Variants in CACNA2D3 observed in about 807,000 individuals in gnomAD.
The protein encoded by CACNA2D3 is calcium voltage-gated channel auxiliary subunit alpha2delta 3.
Under a neutral mutation model 160.6 loss-of-function variants are expected in CACNA2D3, and 60 were observed. That is an observed-to-expected ratio of 0.37 (90% CI 0.30 to 0.46). CACNA2D3 has a LOEUF of 0.46. Among genes scored for constraint, CACNA2D3 ranks in the 20% least tolerant of loss-of-function variants. CACNA2D3 has a pLI of 1.00. For missense variants in CACNA2D3, 1,205 were observed against 1,365.0 expected, an observed-to-expected ratio of 0.88 and a Z score of 1.85; for synonymous variants, 558 against 492.9, an observed-to-expected ratio of 1.13 and a Z score of -1.75.
intron 4 of CACNA2D3, among the ~76,000 whole-genome samples, chr3:54,425,596 T>C (rs1241270208): frequency 1.3e-5 from 2 of 152,214 alleles, no homozygotes; most frequent in Admixed American, 6.5e-5. Flanking sequence ...CCTGAACACC[T>C]GAGGATACCA....
intron 11 of CACNA2D3, among the ~76,000 whole-genome samples, chr3:54,721,612 T>G (rs988027566): frequency 2.0e-5 from 3 of 151,760 alleles, no homozygotes; most frequent in African/African-American, 7.3e-5. Flanking sequence ...AATACAAAAA[T>G]TAGCCAGGCG....
At chr3:54,441,638 T>G (rs1057322584) in intron 4 of CACNA2D3, among the ~76,000 whole-genome samples, 14 of 152,250 alleles carry the variant, frequency 9.2e-5, no homozygotes, top group African/African-American at 3.1e-4. Context: ...TTTAAAAATG[T>G]CTTTAATCCA....
chr3:55,051,852 G>T (rs190832436), intron 35 of CACNA2D3, among the ~76,000 whole-genome samples: 2 of 152,274 alleles, frequency 1.3e-5, no homozygotes, highest in East Asian at 3.9e-4. Flanking sequence ...TATTCGGGTG[G>T]GAGTGACCCG....
chr3:54,331,336 C>T (rs1704247941), intron 3 of CACNA2D3, among the ~76,000 whole-genome samples: 1 of 152,108 alleles, frequency 6.6e-6, no homozygotes, highest in South Asian at 2.1e-4. Flanking sequence ...CCATGCAGCT[C>T]CGTAGTCGTT....
At chr3:54,400,431 A>G (rs1699434621) in intron 4 of CACNA2D3, among the ~76,000 whole-genome samples, 1 of 152,074 alleles carries the variant, frequency 6.6e-6, no homozygotes, top group Non-Finnish European at 1.5e-5. Flanking sequence ...CCTGGAACTC[A>G]GCACTGTTGC....
intron 2 of CACNA2D3, among the ~76,000 whole-genome samples, chr3:54,168,543 C>T (rs765457921): frequency 2.0e-5 from 3 of 152,076 alleles, no homozygotes; most frequent in Non-Finnish European, 4.4e-5. Context: ...GAGGAGCCAC[C>T]TTAGGAGGCC....
chr3:54,773,558 G>A (rs374124999), intron 13 of CACNA2D3, among the ~76,000 whole-genome samples: 9 of 152,258 alleles, frequency 5.9e-5, no homozygotes, highest in Admixed American at 2.0e-4. Flanking sequence ...TTTAGAAACC[G>A]TGTTAAAAAC....
chr3:54,969,261 A>ATTTTT (rs139722160), intron 28 of CACNA2D3, among the ~76,000 whole-genome samples: 4,996 of 127,582 alleles, frequency 0.039, 337 homozygotes, highest in African/African-American at 0.13. Context: ...CATAAAGTAG[A>ATTTTT]CTTTTTTTTT....
At chr3:54,341,922 G>A (rs1281701150) in intron 3 of CACNA2D3, among the ~76,000 whole-genome samples, 1 of 152,012 alleles carries the variant, frequency 6.6e-6, no homozygotes, top group Non-Finnish European at 1.5e-5. Context: ...CATTTATTAA[G>A]TGTTTCCAGT....
chr3:54,984,530 G>A (rs1267192959), intron 29 of CACNA2D3, 78 bp from the exon 30 acceptor site: 1 of 807,794 alleles, frequency 1.2e-6, no homozygotes, highest in Admixed American at 2.4e-5. Context: ...TTGGAAGTGT[G>A]TCATTCTGTT....
rs138290879 is a variant in CACNA2D3, at chr3:54,768,949, C to G, written c.1380+4598C>G. ...CATGGTGTTGAGCAACCTGTCAGGC[C>G]AGGAAGGGCACTGGGGAGTCTGTCT... On this transcript the variant is annotated intron_variant, in intron 13 of 37. Coordinates refer to ENST00000474759, the MANE Select transcript of CACNA2D3 (RefSeq NM_018398.3). Among the ~76,000 whole-genome samples, 71 of 152,200 alleles carry G rather than the reference C, an allele frequency of 4.7e-4. 1 individual carries two copies. In the East Asian group the frequency reaches 0.011, roughly 24 times the overall value.
At chr3:54,517,393 T>C (rs1463558830) in intron 5 of CACNA2D3, among the ~76,000 whole-genome samples, 2 of 152,156 alleles carry the variant, frequency 1.3e-5, no homozygotes, top group East Asian at 1.9e-4. Flanking sequence ...CTAGGAAGCA[T>C]TGGTGTGGGT....
chr3:54,212,875 C>T (rs1701400465), intron 2 of CACNA2D3, among the ~76,000 whole-genome samples: 2 of 152,140 alleles, frequency 1.3e-5, no homozygotes, highest in Admixed American at 6.6e-5. Flanking sequence ...GGGATACTGA[C>T]AAGACCTGCC....
chr3:55,059,760 T>C (rs999288085), intron 35 of CACNA2D3, among the ~76,000 whole-genome samples: 1 of 152,064 alleles, frequency 6.6e-6, no homozygotes, highest in Non-Finnish European at 1.5e-5. Flanking sequence ...TATTGGGTGA[T>C]AGAGGTGGCA....
At chr3:54,256,621 C>G (rs1165825604) in intron 2 of CACNA2D3, among the ~76,000 whole-genome samples, 1 of 152,120 alleles carries the variant, frequency 6.6e-6, no homozygotes, top group Non-Finnish European at 1.5e-5. Context: ...TCTGTATGCA[C>G]TAGAATATGA....
At chr3:54,389,953 G>A (rs7648293) in intron 4 of CACNA2D3, among the ~76,000 whole-genome samples, 36,361 of 152,166 alleles carry the variant, frequency 0.24, 4,455 homozygotes, top group Middle Eastern at 0.32. Context: ...CTGTGATTAT[G>A]TTAAGGAATG....
intron 13 of CACNA2D3, among the ~76,000 whole-genome samples, chr3:54,803,228 G>A (rs1703036721): frequency 6.6e-6 from 1 of 152,236 alleles, no homozygotes; most frequent in Non-Finnish European, 1.5e-5. Context: ...TTGACGAGTT[G>A]AGGGAAGAAG....
chr3:54,500,027 C>T (rs991793444), intron 4 of CACNA2D3, among the ~76,000 whole-genome samples: 2 of 152,134 alleles, frequency 1.3e-5, no homozygotes, highest in African/African-American at 4.8e-5. Flanking sequence ...ATCTGTTTCT[C>T]CTTGCAGTTC....
intron 11 of CACNA2D3, among the ~76,000 whole-genome samples, chr3:54,686,806 T>A (rs903518482): frequency 3.3e-5 from 5 of 152,066 alleles, no homozygotes; most frequent in African/African-American, 1.2e-4. Flanking sequence ...TATGGAAAAA[T>A]TAATGTGGAA....
Sources: gnomAD v4.1 joint callset for allele counts (sites outside exome capture counted in the v4.1 genomes callset) on GRCh38, gnomAD v4.1.1 for gene constraint, MANE v1.5 for transcripts, NCBI Gene and HGNC (gene_info 2026-07-23, HGNC 2026-07-21) for gene names.